Variants in NUCB1 observed in about 807,000 individuals in gnomAD.
The protein encoded by NUCB1 is nucleobindin 1.
A neutral mutation model predicts 61.2 loss-of-function variants in NUCB1; 47 were observed. That is an observed-to-expected ratio of 0.77 (90% CI 0.61 to 0.98). The LOEUF (loss-of-function observed/expected upper bound fraction) is 0.98, where lower values mean the gene tolerates loss of function less well. Ranked by LOEUF, NUCB1 falls within the 50% of genes least tolerant of loss-of-function variation. The pLI, the probability that NUCB1 is intolerant of heterozygous loss-of-function variation, is 0.00. For synonymous variants in NUCB1, 234 were observed against 243.1 expected, an observed-to-expected ratio of 0.96 and a Z score of 0.35; for missense variants, 583 against 605.3, an observed-to-expected ratio of 0.96 and a Z score of 0.39.
At chr19:48,905,084 T>G (rs1370115365) in intron 3 of NUCB1, among the ~76,000 whole-genome samples, 1 of 152,116 alleles carries the variant, frequency 6.6e-6, no homozygotes, top group Non-Finnish European at 1.5e-5. Context: ...TGCTGCACAG[T>G]TCGGATTTGG....
At chr19:48,915,298 G>T (rs1034581101) in intron 7 of NUCB1, among the ~76,000 whole-genome samples, 1 of 150,838 alleles carries the variant, frequency 6.6e-6, no homozygotes, top group Non-Finnish European at 1.5e-5. Context: ...GGCCAACATG[G>T]CAAAACCCAG....
chr19:48,910,415 G>A (rs1040253684), intron 4 of NUCB1, among the ~76,000 whole-genome samples: 63 of 150,908 alleles, frequency 4.2e-4, no homozygotes, highest in African/African-American at 1.5e-3. Flanking sequence ...GCTGGGCGTG[G>A]TGGCTCACAC....
chr19:48,919,631 C>A (rs1461619079), intron 10 of NUCB1, among the ~76,000 whole-genome samples: 1 of 151,794 alleles, frequency 6.6e-6, no homozygotes, highest in Non-Finnish European at 1.5e-5. Context: ...GTGCGTGCCA[C>A]CACACCCAGC....
intron 6 of NUCB1, 112 bp downstream of exon 6, chr19:48,913,308 CCTGTTA>C (rs2037500542): frequency 2.4e-6 from 3 of 1,249,720 alleles, no homozygotes; most frequent in Non-Finnish European, 1.1e-6. Flanking sequence ...AAAAAAACTC[CCTGTTA>C]CTGTACCTGG....
At chr19:48,908,695 G>GTGTGTGTGTGTGTGTC (rs1269071160) in intron 4 of NUCB1, among the ~76,000 whole-genome samples, 1 of 138,398 alleles carries the variant, frequency 7.2e-6, no homozygotes, top group African/African-American at 2.7e-5. Flanking sequence ...GTGTGTGTGT[G>GTGTGTGTGTGTGTGTC]TGTCTTTCTG....
chr19:48,913,540 C>G lies in NUCB1; in HGVS notation c.733C>G (p.Pro245Ala). Residue 245 changes from proline (P) to alanine (A), a missense_variant, in exon 7 of 13, where the codon CCC becomes GCC. By Grantham distance (27) the Pro-to-Ala change is conservative (BLOSUM62 -1). Coordinates refer to ENST00000405315, the MANE Select transcript of NUCB1 (RefSeq NM_006184.6). ...LDGLDPNRFNPKTFFILHDIN... is the reference protein window; with the variant it reads ...LDGLDPNRFNAKTFFILHDIN... ...TGGACTGGACCCCAACAGGTTTAAC[C>G]CCAAGACCTTCTTCATACTGCATGG... The G allele has an allele frequency of 6.2e-7, 1 of 1,614,098 alleles. No homozygotes were observed. The highest frequency in any genetic ancestry group is 8.5e-7 in the Non-Finnish European group (1 of 1,179,966).
intron 4 of NUCB1, among the ~76,000 whole-genome samples, chr19:48,907,337 G>A (rs1010656432): frequency 4.2e-5 from 6 of 142,758 alleles, no homozygotes; most frequent in South Asian, 4.4e-4. Context: ...CTACAGTGGC[G>A]CGATCTCGGC....
At chr19:48,912,549 C>T (rs2037485909) in intron 5 of NUCB1, among the ~76,000 whole-genome samples, 1 of 151,948 alleles carries the variant, frequency 6.6e-6, no homozygotes, top group East Asian at 1.9e-4. Flanking sequence ...AAAAGGGCGA[C>T]ATCAGGCTGT....
intron 5 of NUCB1, 51 bp downstream of exon 5, chr19:48,911,303 G>A: frequency 7.7e-7 from 1 of 1,296,718 alleles, no homozygotes; most frequent in Non-Finnish European, 1.1e-6. Context: ...TTTGCGGAAG[G>A]GGAGAAGGGG....
At chr19:48,914,266 C>T (rs2037514787) in intron 7 of NUCB1, among the ~76,000 whole-genome samples, 3 of 152,070 alleles carry the variant, frequency 2.0e-5, no homozygotes, top group Admixed American at 1.3e-4. Flanking sequence ...TGAGTCACTG[C>T]GCCCGGCCTC....
intron 12 of NUCB1, 51 bp from the exon 13 acceptor site, chr19:48,922,267 G>A: frequency 6.7e-7 from 1 of 1,497,508 alleles, no homozygotes. Flanking sequence ...GGGTCCTGGG[G>A]GAGGAGGGGT....
Position 48,919,023 on chromosome 19 carries a change from C to T in NUCB1, c.817-7C>T, listed in dbSNP as rs1312579474. 6.2e-7 allele frequency: 1 copy of T among 1,613,352 alleles called. No homozygotes were observed. The highest frequency in any genetic ancestry group is 1.7e-5 in the Admixed American group (1 of 59,932). On this transcript the variant is annotated splice_region_variant and splice_polypyrimidine_tract_variant and intron_variant, in intron 8 of 12. Coordinates refer to ENST00000405315, the MANE Select transcript of NUCB1 (RefSeq NM_006184.6). ...CAATGCTGTCTGCCTCTCGCTTGCT[C>T]CTGCAGCTGGAGAAAGTGTACGACC... is the stretch of plus-strand genomic sequence containing the variant.
intron 8 of NUCB1, 29 bp from the exon 9 acceptor site, chr19:48,919,001 T>A (rs747752073): frequency 6.2e-7 from 1 of 1,605,064 alleles, no homozygotes; most frequent in African/African-American, 1.3e-5. Context: ...GACCTCTCAA[T>A]GCTGTCTGCC....
rs1421818443 is a variant in NUCB1, at chr19:48,900,914, C to T, written c.118C>T (p.Pro40Ser). ...ERGAPNKEET[P>S]ATESPDTGLY... ...AGGGGCGCCCAACAAGGAGGAGACC[C>T]CTGCGACTGAGAGTCCCGTGAGTGG... Residue 40 changes from proline (P) to serine (S), a missense_variant, in exon 2 of 13, where the codon CCT (proline) becomes TCT (serine). Coordinates refer to ENST00000405315, the MANE Select transcript of NUCB1 (RefSeq NM_006184.6). The T allele has an allele frequency of 6.2e-7, 1 of 1,613,904 alleles. No individual in the cohort carries two copies. Among genetic ancestry groups the T allele is most frequent in the Admixed American group, 1.7e-5 (1 of 60,026 alleles).
At chr19:48,903,788 AGATG>A (rs1224397059) in intron 2 of NUCB1, among the ~76,000 whole-genome samples, 1 of 43,750 alleles carries the variant, frequency 2.3e-5, no homozygotes, top group Admixed American at 2.6e-4. Flanking sequence ...ATGGATGGAT[AGATG>A]GATGGATGGA....
At chr19:48,918,392 G>T in intron 7 of NUCB1, 1 of 244,868 alleles carries the variant, frequency 4.1e-6, no homozygotes. Context: ...TGGTTGTCTG[G>T]GAGGCAGAGG....
chr19:48,906,924 A>G (rs1186307972), intron 4 of NUCB1, among the ~76,000 whole-genome samples: 2 of 152,086 alleles, frequency 1.3e-5, no homozygotes, highest in East Asian at 3.8e-4. Flanking sequence ...GTACAGCGAT[A>G]AAATCGGGAG....
chr19:48,913,648 T>C, intron 7 of NUCB1, 84 bp downstream of exon 7: 1 of 1,189,372 alleles, frequency 8.4e-7, no homozygotes, highest in Non-Finnish European at 1.2e-6. Context: ...GGGGTGTGTC[T>C]GTCCCAGGAG....
intron 4 of NUCB1, 45 bp from the exon 5 acceptor site, chr19:48,911,104 T>C (rs1279185059): frequency 7.0e-7 from 1 of 1,423,476 alleles, no homozygotes. Context: ...ATGGGGGTTC[T>C]GAAAGAACAT....
Sources: gnomAD v4.1 joint callset for allele counts (sites outside exome capture counted in the v4.1 genomes callset) on GRCh38, gnomAD v4.1.1 for gene constraint, MANE v1.5 for transcripts, NCBI Gene and HGNC (gene_info 2026-07-23, HGNC 2026-07-21) for gene names.